Variants in DCC observed in about 807,000 individuals in gnomAD.
The protein encoded by DCC is DCC netrin 1 receptor.
Under a neutral mutation model 172.5 loss-of-function variants are expected in DCC, and 58 were observed. That is an observed-to-expected ratio of 0.34 (90% CI 0.27 to 0.42). The LOEUF (loss-of-function observed/expected upper bound fraction) is 0.42, where lower values mean the gene tolerates loss of function less well. Ranked by LOEUF, DCC falls within the 10% of genes least tolerant of loss-of-function variation. The probability of loss-of-function intolerance (pLI) is 1.00; values close to 1 mark genes in which losing one functional copy is unlikely to be tolerated. For synonymous variants in DCC, 709 were observed against 644.5 expected (o/e 1.10, Z -1.52); for missense variants, 1,740 against 1,791.0 (o/e 0.97, Z 0.51).
At chr18:52,588,053 C>A (rs1031271319) in intron 1 of DCC, among the ~76,000 whole-genome samples, 2 of 152,200 alleles carry the variant, frequency 1.3e-5, no homozygotes, top group Admixed American at 6.5e-5. Context: ...CAGTTCATGA[C>A]AGGCAGTTCA....
At chr18:52,642,094 ACAC>A in intron 1 of DCC, among the ~76,000 whole-genome samples, 1 of 145,330 alleles carries the variant, frequency 6.9e-6, no homozygotes. Context: ...ACACACACAC[ACAC>A]TCACACACAC....
chr18:52,703,742 A>C (rs76106831), intron 1 of DCC, among the ~76,000 whole-genome samples: 6,517 of 148,904 alleles, frequency 0.044, 180 homozygotes, highest in Middle Eastern at 0.079. Context: ...TTTTTTTTTG[A>C]AAATGTGCTC....
At chr18:52,562,563 T>A (rs963559950) in intron 1 of DCC, among the ~76,000 whole-genome samples, 1 of 152,168 alleles carries the variant, frequency 6.6e-6, no homozygotes, top group African/African-American at 2.4e-5. Context: ...TCAATCATCA[T>A]GTTAACTTTC....
intron 2 of DCC, among the ~76,000 whole-genome samples, chr18:52,865,846 A>G (rs888098172): frequency 8.6e-5 from 13 of 151,664 alleles, no homozygotes; most frequent in Non-Finnish European, 1.8e-4. Flanking sequence ...CTATTCGAAT[A>G]CCCTGTTCAC....
chr18:52,907,295 T>TGATATATC (rs71175535), intron 3 of DCC, among the ~76,000 whole-genome samples: 1 of 103,424 alleles, frequency 9.7e-6, no homozygotes, highest in Non-Finnish European at 2.0e-5. Context: ...GATATATACA[T>TGATATATC]ATGGATATAT....
chr18:52,449,099 G>A (rs911248647), intron 1 of DCC, among the ~76,000 whole-genome samples: 1 of 152,154 alleles, frequency 6.6e-6, no homozygotes, highest in Admixed American at 6.5e-5. Context: ...TTACATGGAT[G>A]GCAACAGGCA....
At chr18:52,587,840 C>G (rs2066912305) in intron 1 of DCC, among the ~76,000 whole-genome samples, 1 of 152,156 alleles carries the variant, frequency 6.6e-6, no homozygotes, top group African/African-American at 2.4e-5. Context: ...ATGGGGAACT[C>G]CCCATGAGGC....
At chr18:52,691,163 A>G (rs1254203320) in intron 1 of DCC, among the ~76,000 whole-genome samples, 3 of 152,156 alleles carry the variant, frequency 2.0e-5, no homozygotes, top group Non-Finnish European at 4.4e-5. Flanking sequence ...GTTGTTGCCC[A>G]TAGACTCATA....
intron 2 of DCC, among the ~76,000 whole-genome samples, chr18:52,823,875 C>T (rs566051876): frequency 5.9e-5 from 9 of 152,194 alleles, no homozygotes; most frequent in South Asian, 2.1e-4. Context: ...GGGAACAACA[C>T]GTATGTGACA....
intron 2 of DCC, among the ~76,000 whole-genome samples, chr18:52,845,690 T>C (rs1252591470): frequency 2.6e-5 from 4 of 152,214 alleles, no homozygotes; most frequent in African/African-American, 9.6e-5. Flanking sequence ...AACTCTTTAA[T>C]AGAAGTTTTA....
At position 52,792,769 on chromosome 18, in the gene DCC, T is replaced by TATTCCATTCC. The variant is rs58380249; in HGVS notation, c.412+40422_412+40431dup. 3.9e-3 allele frequency among the ~76,000 whole-genome samples: 529 copies of TATTCCATTCC among 134,426 alleles called. 2 individuals are homozygous for TATTCCATTCC. Among genetic ancestry groups the TATTCCATTCC allele is most frequent in the African/African-American group, 0.011 (352 of 31,224 alleles). The allele number at this position is 134,426 out of a possible 152,430, so 88.2% of individuals were successfully genotyped here. On this transcript the variant is annotated intron_variant, in intron 2 of 28. Transcript: ENST00000442544. ...CATTCCAGTTGATTCTATTCCATTC[T>TATTCCATTCC]ATTCCATTCCATTCCATTCCATTCC...
intron 1 of DCC, among the ~76,000 whole-genome samples, chr18:52,664,004 A>G (rs1218113167): frequency 6.6e-6 from 1 of 152,232 alleles, no homozygotes; most frequent in Non-Finnish European, 1.5e-5. Context: ...ATTTAGAAAT[A>G]AGAGAAGAAT....
chr18:53,196,802 A>G (rs1344908341), intron 9 of DCC, among the ~76,000 whole-genome samples: 1 of 152,134 alleles, frequency 6.6e-6, no homozygotes, highest in Admixed American at 6.5e-5. Context: ...AACTAAAGGT[A>G]AAATGAGCAG....
At chr18:52,907,328 A>C (rs1223036011) in intron 3 of DCC, among the ~76,000 whole-genome samples, 3 of 149,816 alleles carry the variant, frequency 2.0e-5, no homozygotes, top group African/African-American at 7.3e-5. Flanking sequence ...GTATATATCC[A>C]TATGGATATA....
chr18:53,052,120 G>A (rs1266213793), intron 5 of DCC, among the ~76,000 whole-genome samples: 1 of 151,958 alleles, frequency 6.6e-6, no homozygotes, highest in African/African-American at 2.4e-5. Context: ...CATCTATTAT[G>A]AGACTTGTAC....
intron 5 of DCC, among the ~76,000 whole-genome samples, chr18:53,002,126 G>A (rs1179047115): frequency 6.6e-6 from 1 of 152,040 alleles, no homozygotes; most frequent in Non-Finnish European, 1.5e-5. Flanking sequence ...ATGTAAATGT[G>A]CTTTAGTTTC....
intron 1 of DCC, among the ~76,000 whole-genome samples, chr18:52,410,241 A>G (rs1015389423): frequency 6.6e-6 from 1 of 152,104 alleles, no homozygotes; most frequent in Non-Finnish European, 1.5e-5. Flanking sequence ...CTGGGCAACA[A>G]AATAATATCC....
At chr18:52,974,571 G>A (rs1331040514) in intron 5 of DCC, among the ~76,000 whole-genome samples, 1 of 152,098 alleles carries the variant, frequency 6.6e-6, no homozygotes, top group African/African-American at 2.4e-5. Flanking sequence ...GCCACAGGGT[G>A]GCCTGTAGAA....
intron 5 of DCC, among the ~76,000 whole-genome samples, chr18:53,056,669 A>G (rs1213895802): frequency 6.6e-6 from 1 of 152,106 alleles, no homozygotes; most frequent in Non-Finnish European, 1.5e-5. Context: ...TATGTCCAGT[A>G]TTTCAACAAA....
Sources: allele counts gnomAD v4.1 joint callset (sites outside exome capture counted in the v4.1 genomes callset), GRCh38; gene constraint gnomAD v4.1.1; transcripts MANE v1.5; gene names NCBI Gene and HGNC (gene_info 2026-07-23, HGNC 2026-07-21).